The following EPPK1 variants were observed in gnomAD, a reference collection of about 807,000 sequenced individuals.
EPPK1 encodes the protein epiplakin.
For missense variants in EPPK1, 3,823 were observed against 3,673.3 expected, an observed-to-expected ratio of 1.04 and a Z score of -1.05; for synonymous variants, 1,862 against 1,721.2, an observed-to-expected ratio of 1.08 and a Z score of -2.03.
Position 143,872,549 on chromosome 8 carries a change from G to A in EPPK1, c.705C>T (p.Phe235=). The change falls in exon 2 of 2, where the codon TTC becomes TTT. Residue 235 remains phenylalanine, a synonymous_variant. Transcript: ENST00000615648. ...GLALLPLKIT[F]RSMGGAVSAA... ...CACTCACCGCCCCGCCCATGGAGCG[G>A]AAGGTGATCTTGAGGGGCAGCAAGG... 6.2e-7 allele frequency: 1 copy of A among 1,605,944 alleles called. No homozygotes were observed. The highest frequency in any genetic ancestry group is 8.5e-7 in the Non-Finnish European group (1 of 1,178,596).
In EPPK1 at chr8:143,857,640, C is replaced by G; in HGVS notation, c.*347G>C. 2 of 285,840 alleles carry G rather than the reference C, an allele frequency of 7.0e-6. No individual in the cohort carries two copies. The highest frequency in any genetic ancestry group is 1.3e-5 in the Non-Finnish European group (2 of 155,102). The allele number at this position is 285,840 out of a possible 1,614,324, so 17.7% of individuals were successfully genotyped here. A position where few individuals can be genotyped will look rare whatever the true frequency, so the allele number is the denominator to read the frequency against. On this transcript the variant is annotated 3_prime_UTR_variant, in exon 2 of 2. Coordinates refer to ENST00000615648, the MANE Select transcript of EPPK1 (RefSeq NM_031308.4). ...AAAATTACACTGCAACAAGAGTACC[C>G]GATGGCATGATGGACTGAGAGTCTA...
At position 143,872,921 on chromosome 8, in the gene EPPK1, CT is replaced by C. The variant is rs782123064; in HGVS notation, c.332del (p.Lys111SerfsTer99). 8.7e-6 allele frequency: 14 copies of C among 1,608,510 alleles called. No individual in the cohort carries two copies. Among genetic ancestry groups the C allele is most frequent in the Admixed American group, 3.4e-5 (2 of 59,700 alleles). On this transcript the variant is annotated frameshift_variant, in exon 2 of 2. Coordinates refer to ENST00000615648, the MANE Select transcript of EPPK1 (RefSeq NM_031308.4). LOFTEE classifies it low-confidence loss of function (END_TRUNC). ...QGLVGLELKE[K>X]LLAAERATTG... Reference sequence around the variant, plus strand: ...TAGTGGCACGCTCAGCGGCCAGCAGCTTCTCCTTCAGCTCCAGCCCCACCAG... The same window carrying C: ...TAGTGGCACGCTCAGCGGCCAGCAGCTCTCCTTCAGCTCCAGCCCCACCAG...
intron 1 of EPPK1, among the ~76,000 whole-genome samples, chr8:143,874,484 TGAC>T (rs1819443034): frequency 1.3e-5 from 2 of 152,186 alleles, no homozygotes; most frequent in South Asian, 4.1e-4. Flanking sequence ...GGCGGCCGTG[TGAC>T]GACAGAGGCA....
In EPPK1 at chr8:143,871,246, C is replaced by A; in HGVS notation, c.2008G>T (p.Ala670Ser). 1 of 1,613,108 alleles carries A rather than the reference C, an allele frequency of 6.2e-7. No individual in the cohort carries two copies. Among genetic ancestry groups the A allele is most frequent in the South Asian group, 1.1e-5 (1 of 91,082 alleles). Residue 670 changes from alanine to serine, a missense_variant, in exon 2 of 2, where the codon GCT becomes TCT. By Grantham distance (99) the Ala-to-Ser change is moderately conservative (BLOSUM62 1). Transcript: ENST00000615648. ...KGHSVEEALR[A>S]AVIGPDVFAK... ...AACACATCAGGCCCAATGACAGCAG[C>A]CCTCAGTGCCTCCTCAACGGAGTGC... is the stretch of plus-strand genomic sequence containing the variant.
Position 143,872,483 on chromosome 8 carries a change from A to C in EPPK1, c.771T>G (p.Ala257=), listed in dbSNP as rs781874808. 5.0e-6 allele frequency: 8 copies of C among 1,592,902 alleles called. No homozygotes were observed. Among genetic ancestry groups the C allele is most frequent in the Middle Eastern group, 1.6e-4 (1 of 6,064 alleles). ...GCCTGCCCTCCCGCAGACCCTGCAC[A>C]GCCTGCTCGTCCAGGATGCCCACCT... The part of the protein sequence containing the change: ...LLEVGILDEQ[A]VQGLREGRLA... The change falls in exon 2 of 2, where the codon GCT becomes GCG. Residue 257 remains alanine (A), a synonymous_variant. Transcript: ENST00000615648.
rs781950337 is a variant in EPPK1 at position 143,871,784 on chromosome 8, G to T, written c.1470C>A (p.Ala490=). 1.2e-6 allele frequency: 2 copies of T among 1,611,774 alleles called. No individual in the cohort carries two copies. The highest frequency in any genetic ancestry group is 1.7e-6 in the Non-Finnish European group (2 of 1,179,504). Residue 490 remains alanine (A), a synonymous_variant, in exon 2 of 2, where the codon GCC becomes GCA. Transcript: ENST00000615648. ...AGACGGTGGCTGTGGCCGTGCTCAG[G>T]GCCTGCCGAGTGCTGTACTTGATGA... ...PPFIKYSTRQ[A]LSTATATVSV...
At chr8:143,876,974 C>T (rs1417824280) in intron 1 of EPPK1, among the ~76,000 whole-genome samples, 1 of 152,262 alleles carries the variant, frequency 6.6e-6, no homozygotes, top group Non-Finnish European at 1.5e-5. Flanking sequence ...AGGCCGCGTG[C>T]TAAGCGGGCC....
rs35186960 is a variant in EPPK1 at position 143,857,896 on chromosome 8, C to CAAAAAAAAAAAAAAAAAAAAAAAAAA, written c.*90_*91insTTTTTTTTTTTTTTTTTTTTTTTTTT. 2 of 348,604 alleles carry CAAAAAAAAAAAAAAAAAAAAAAAAAA rather than the reference C, an allele frequency of 5.7e-6. No individual in the cohort carries two copies. The highest frequency in any genetic ancestry group is 3.6e-5 in the African/African-American group (1 of 27,488). The allele number at this position is 348,604 out of a possible 1,614,324, so 21.6% of individuals were successfully genotyped here. ...GTAAAACAACAAAATTAAAGAATGA[C>CAAAAAAAAAAAAAAAAAAAAAAAAAA]AAAAAAAAAAAAAAAAAAAAAAACA... On this transcript the variant is annotated 3_prime_UTR_variant, in exon 2 of 2. Coordinates refer to ENST00000615648, the MANE Select transcript of EPPK1 (RefSeq NM_031308.4).
Position 143,866,142 on chromosome 8 carries a change from T to A in EPPK1, c.7112A>T (p.Glu2371Val). The change falls in exon 2 of 2, where the codon GAG becomes GTG. Residue 2371 changes from glutamate (E) to valine (V), a missense_variant. Glu to Val is a moderately radical substitution (Grantham distance 121). Transcript: ENST00000615648. ...VAYRRGYFDEEMNRVLADPSD... is the reference protein window; with the variant it reads ...VAYRRGYFDEVMNRVLADPSD... ...GGGGTCGGCCAGGACACGGTTCATC[T>A]CCTCGTCGAAGTAGCCGCGCCGGTA... 2.2e-5 allele frequency: 8 copies of A among 371,288 alleles called. No homozygotes were observed. The highest frequency in any genetic ancestry group is 3.6e-5 in the Non-Finnish European group (8 of 221,098). 23.0% of individuals were successfully genotyped at this position (371,288 alleles called of 1,614,324 possible).
Position 143,870,413 on chromosome 8 carries a change from G to C in EPPK1, c.2841C>G (p.Tyr947Ter), listed in dbSNP as rs782618588. The change falls in exon 2 of 2, where the codon TAC (tyrosine) becomes TAG (stop). Residue 947 changes from tyrosine to a stop codon, truncating the protein, a stop_gained. Transcript: ENST00000615648. LOFTEE classifies it low-confidence loss of function (END_TRUNC). The surrounding 1 kb of genome is among the most constrained non-coding windows in gnomAD (Gnocchi z 5.2). ...CCAGCAGCTTCTGCCTCATGGCCTG[G>C]TAGAGGCTGAGCCGCTGGCCAGAGG... ...LLPSGQRLSL[Y>*]QAMRQKLLGP... 2 of 1,590,614 alleles carry C rather than the reference G, an allele frequency of 1.3e-6. No homozygotes were observed. Among genetic ancestry groups the C allele is most frequent in the African/African-American group, 1.3e-5 (1 of 74,496 alleles).
rs1554659487 is a variant in EPPK1, at chr8:143,867,452, C to T, written c.5802G>A (p.Gln1934=). 5 of 1,612,688 alleles carry T rather than the reference C, an allele frequency of 3.1e-6. No individual in the cohort carries two copies. In the South Asian group the frequency reaches 5.5e-5, roughly 18 times the overall value. ...GGTCCAGGAGGAACCCGGTGGCGGC[C>T]TGCGCCTCCAGCAGCCAAGTCGCAA... ...AAFATWLLEA[Q]AATGFLLDPC... is the part of the protein sequence containing the mutation. Residue 1934 remains glutamine (Q), a synonymous_variant, in exon 2 of 2, where the codon CAG becomes CAA. Coordinates refer to ENST00000615648, the MANE Select transcript of EPPK1 (RefSeq NM_031308.4).
rs782482896 is a variant in EPPK1 at position 143,872,335 on chromosome 8, C to T, written c.919G>A (p.Glu307Lys). The change falls in exon 2 of 2, where the codon GAG (glutamate) becomes AAG (lysine). Residue 307 changes from glutamate (E) to lysine (K), a missense_variant. Physicochemically the swap from Glu to Lys is moderately conservative, Grantham distance 56 (BLOSUM62 1). Transcript: ENST00000615648. ...GCGGTGCCCATTGGGAGCAGGTGCTCGGTGGCAGCCTGGAAAAAGCTCTTC... is the reference window on the plus strand; with the variant it reads ...GCGGTGCCCATTGGGAGCAGGTGCTTGGTGGCAGCCTGGAAAAAGCTCTTC... ...HKKSFFQAAT[E>K]HLLPMGTALP... is the part of the protein sequence containing the mutation. The T allele has an allele frequency of 1.9e-5, 30 of 1,603,756 alleles. No individual in the cohort carries two copies. The highest frequency in any genetic ancestry group is 1.5e-4 in the Admixed American group (9 of 59,652).
Position 143,873,167 on chromosome 8 carries a change from CG to C in EPPK1, c.86del (p.Thr29SerfsTer15). Reference sequence around the variant, plus strand: ...GCCTGGGGGGCGTGCCGGCTCCCAGCGTGGCTGCCATGGCTCTGGGTACACT... The same window carrying C: ...GCCTGGGGGGCGTGCCGGCTCCCAGCTGGCTGCCATGGCTCTGGGTACACT... Reference protein sequence around the residue: ...QASVPRAMAATLGAGTPPRPQ... With the variant: ...QASVPRAMAAXLGAGTPPRPQ... On this transcript the variant is annotated frameshift_variant, in exon 2 of 2. Transcript: ENST00000615648. LOFTEE classifies it low-confidence loss of function (END_TRUNC). 1 of 1,594,078 alleles carries C rather than the reference CG, an allele frequency of 6.3e-7. No homozygotes were observed. The highest frequency in any genetic ancestry group is 8.5e-7 in the Non-Finnish European group (1 of 1,172,642).
rs556228933 is a variant in EPPK1, at chr8:143,876,160, C to T, written c.-46+2278G>A. 3.3e-5 allele frequency among the ~76,000 whole-genome samples: 5 copies of T among 152,302 alleles called. No individual in the cohort carries two copies. In the East Asian group the frequency reaches 9.6e-4, roughly 29 times the overall value. ...AGGCTCCCATCTGGCAGGGGACAGG[C>T]CTGAGCACCAGGAGGCGGCACCACA... On this transcript the variant is annotated intron_variant, in intron 1 of 1. Transcript: ENST00000615648.
rs1356449161 is a variant in EPPK1, at chr8:143,869,505, C to T, written c.3749G>A (p.Gly1250Asp). The change falls in exon 2 of 2, where the codon GGT (glycine) becomes GAT (aspartate). Residue 1250 changes from glycine (G) to aspartate (D), a missense_variant. Gly to Asp is a moderately conservative substitution (Grantham distance 94). Transcript: ENST00000615648. ...ACLWGTGCVA[G>D]VLLQPSGAKA... ...GGCCCCAGAGGGCTGTAGCAGCACA[C>T]CGGCCACGCAGCCTGTGCCCCACAG... 1 of 1,547,328 alleles carries T rather than the reference C, an allele frequency of 6.5e-7. No homozygotes were observed. Among genetic ancestry groups the T allele is most frequent in the Non-Finnish European group, 8.7e-7 (1 of 1,151,210 alleles).
At position 143,871,074 on chromosome 8, in the gene EPPK1, C is replaced by T. The variant is rs1554661020; in HGVS notation, c.2180G>A (p.Gly727Asp). 1 of 1,612,960 alleles carries T rather than the reference C, an allele frequency of 6.2e-7. No homozygotes were observed. The highest frequency in any genetic ancestry group is 8.5e-7 in the Non-Finnish European group (1 of 1,179,948). ...GCTGTGCACGGGGTCGATGACGCCG[C>T]CCGTGGCGATCTGGGCCTCCAGCAG... Reference protein sequence around the residue: ...IRLLEAQIATGGVIDPVHSHR... With the variant: ...IRLLEAQIATDGVIDPVHSHR... The change falls in exon 2 of 2, where the codon GGC (glycine) becomes GAC (aspartate). Residue 727 changes from glycine (G) to aspartate (D), a missense_variant. Gly to Asp is a moderately conservative substitution (Grantham distance 94). Transcript: ENST00000615648.
Position 143,867,782 on chromosome 8 carries a change from C to T in EPPK1, c.5472G>A (p.Leu1824=), listed in dbSNP as rs782139638. The part of the protein sequence containing the change: ...IQEYGAQSGG[L]EKLLEIITTT... ...TGGTGATGATTTCCAGCAATTTCTC[C>T]AGGCCCCCACTCTGGGCTCCATACT... Residue 1824 remains leucine, a synonymous_variant, in exon 2 of 2, where the codon CTG becomes CTA. Transcript: ENST00000615648. The T allele has an allele frequency of 5.0e-6, 8 of 1,613,598 alleles. No homozygotes were observed. Among genetic ancestry groups the T allele is most frequent in the East Asian group, 2.2e-5 (1 of 44,900 alleles).
rs1818915817 is a variant in EPPK1, at chr8:143,857,588, T to G, written c.*399A>C. On this transcript the variant is annotated 3_prime_UTR_variant, in exon 2 of 2. Transcript: ENST00000615648. ...TTTGAAGATGAACGTGAATAGCACA[T>G]CGTTAGGGAAATAACCGCATGTAAT... is the stretch of plus-strand genomic sequence containing the variant. 1 of 188,098 alleles carries G rather than the reference T, an allele frequency of 5.3e-6. No individual in the cohort carries two copies. The highest frequency in any genetic ancestry group is 1.7e-4 in the South Asian group (1 of 5,920). The allele number at this position is 188,098 out of a possible 1,614,324, so 11.7% of individuals were successfully genotyped here.
chr8:143,868,608 T>G lies in EPPK1; in HGVS notation c.4646A>C (p.Gln1549Pro). 6.2e-7 allele frequency: 1 copy of G among 1,602,782 alleles called. No homozygotes were observed. Reference protein sequence around the residue: ...ISRKTLDELSQGTTTVKEVAE... With the variant: ...ISRKTLDELSPGTTTVKEVAE... ...CACCTCCTTCACAGTCGTTGTCCCC[T>G]GGCTCAGCTCGTCCAGCGTCTTCCT... The change falls in exon 2 of 2, where the codon CAG becomes CCG. Residue 1549 changes from glutamine (Q) to proline (P), a missense_variant. Gln to Pro is a moderately conservative substitution (Grantham distance 76). Transcript: ENST00000615648.
Sources: gnomAD v4.1 joint callset for allele counts (sites outside exome capture counted in the v4.1 genomes callset) on GRCh38, gnomAD v4.1.1 for gene constraint, Gnocchi (gnomAD v3.1) non-coding constraint, MANE v1.5 for transcripts, NCBI Gene and HGNC (gene_info 2026-07-23, HGNC 2026-07-21) for gene names.